KCNH7: variants seen among roughly 807,000 people sequenced by gnomAD.
KCNH7 encodes the protein voltage-gated inwardly rectifying potassium channel KCNH7.
Under a neutral mutation model 120.8 loss-of-function variants are expected in KCNH7, and 49 were observed. The observed-to-expected ratio is 0.41, with a 90% CI of 0.32 to 0.51. KCNH7 has a LOEUF of 0.51. Among genes scored for constraint, KCNH7 ranks in the 20% least tolerant of loss-of-function variants. KCNH7 has a pLI of 0.38. For synonymous variants in KCNH7, 547 were observed against 516.1 expected (o/e 1.06, Z -0.81); for missense variants, 1,097 against 1,446.6 (o/e 0.76, Z 3.92).
At chr2:162,632,905 G>A (rs1173723010) in intron 2 of KCNH7, among the ~76,000 whole-genome samples, 1 of 151,764 alleles carries the variant, frequency 6.6e-6, no homozygotes, top group Non-Finnish European at 1.5e-5. Context: ...GGAGAAAGTT[G>A]TAAAGGAGGG....
intron 5 of KCNH7, among the ~76,000 whole-genome samples, chr2:162,507,023 C>T (rs897968302): frequency 6.6e-6 from 1 of 151,828 alleles, no homozygotes; most frequent in African/African-American, 2.4e-5. Flanking sequence ...ATAAACACCA[C>T]AATGTGCTTT....
chr2:162,460,706 C>T (rs539205321), intron 6 of KCNH7, among the ~76,000 whole-genome samples: 2 of 152,276 alleles, frequency 1.3e-5, no homozygotes, highest in Non-Finnish European at 1.5e-5. Context: ...AATTTTTATC[C>T]TCTAGAACTG....
intron 2 of KCNH7, among the ~76,000 whole-genome samples, chr2:162,737,068 A>G (rs1340100753): frequency 6.6e-6 from 1 of 152,152 alleles, no homozygotes; most frequent in African/African-American, 2.4e-5. Context: ...AAAAAGACTG[A>G]GATTTTGATC....
At chr2:162,422,606 A>G (rs1424381793) in intron 9 of KCNH7, among the ~76,000 whole-genome samples, 1 of 152,148 alleles carries the variant, frequency 6.6e-6, no homozygotes, top group Non-Finnish European at 1.5e-5. Context: ...TCCTAATAAT[A>G]AAAAGAGGTC....
intron 7 of KCNH7, among the ~76,000 whole-genome samples, chr2:162,441,885 C>G (rs958344734): frequency 6.6e-6 from 1 of 151,266 alleles, no homozygotes; most frequent in African/African-American, 2.4e-5. Context: ...TAGGCAAGCC[C>G]AGTTATTGCC....
chr2:162,488,026 A>C (rs1302880447), intron 6 of KCNH7, among the ~76,000 whole-genome samples: 1 of 152,128 alleles, frequency 6.6e-6, no homozygotes, highest in African/African-American at 2.4e-5. Context: ...GTTTGTCCCA[A>C]CCCTCAGGCC....
intron 2 of KCNH7, among the ~76,000 whole-genome samples, chr2:162,675,187 T>G (rs1012584574): frequency 1.3e-5 from 2 of 151,412 alleles, no homozygotes; most frequent in Non-Finnish European, 3.0e-5. Context: ...ACAAATGATA[T>G]ATTATATATG....
intron 9 of KCNH7, among the ~76,000 whole-genome samples, chr2:162,406,800 G>A (rs1687239077): frequency 6.6e-6 from 1 of 151,930 alleles, no homozygotes; most frequent in Non-Finnish European, 1.5e-5. Flanking sequence ...TTTGTTGTTT[G>A]TAAAAGCTAA....
At chr2:162,746,270 T>C (rs948559562) in intron 2 of KCNH7, among the ~76,000 whole-genome samples, 1 of 152,146 alleles carries the variant, frequency 6.6e-6, no homozygotes, top group Non-Finnish European at 1.5e-5. Flanking sequence ...TTCTTAATAA[T>C]GCTACGGTAA....
At chr2:162,775,921 A>C (rs138933566) in intron 2 of KCNH7, among the ~76,000 whole-genome samples, 2 of 152,300 alleles carry the variant, frequency 1.3e-5, no homozygotes, top group East Asian at 3.9e-4. Flanking sequence ...CTAGCTATGT[A>C]AACTTGGGCA....
chr2:162,524,918 G>T (rs773592382), intron 3 of KCNH7, among the ~76,000 whole-genome samples: 10 of 151,912 alleles, frequency 6.6e-5, no homozygotes, highest in Admixed American at 1.3e-4. Flanking sequence ...GAATGATGTA[G>T]ATAGCAGCTA....
chr2:162,786,845 T>C (rs1683725662), intron 2 of KCNH7, among the ~76,000 whole-genome samples: 1 of 152,146 alleles, frequency 6.6e-6, no homozygotes, highest in Non-Finnish European at 1.5e-5. Flanking sequence ...TGAACAACCA[T>C]CCGCACCAGA....
intron 6 of KCNH7, among the ~76,000 whole-genome samples, chr2:162,465,047 A>C (rs1191135476): frequency 2.0e-5 from 3 of 152,128 alleles, no homozygotes; most frequent in Non-Finnish European, 4.4e-5. Context: ...CAGAAAGGGG[A>C]AAGTCTAGGA....
At chr2:162,779,878 T>C (rs1278955747) in intron 2 of KCNH7, among the ~76,000 whole-genome samples, 1 of 152,178 alleles carries the variant, frequency 6.6e-6, no homozygotes, top group Non-Finnish European at 1.5e-5. Flanking sequence ...GACATCCTTT[T>C]AAATCCTCTT....
At chr2:162,611,232 T>C (rs142605528) in intron 2 of KCNH7, among the ~76,000 whole-genome samples, 1 of 152,304 alleles carries the variant, frequency 6.6e-6, no homozygotes, top group East Asian at 1.9e-4. Flanking sequence ...GGCAATGACA[T>C]AGTATTCCCT....
intron 2 of KCNH7, among the ~76,000 whole-genome samples, chr2:162,628,538 G>A (rs1004571953): frequency 6.6e-5 from 10 of 152,060 alleles, no homozygotes; most frequent in Admixed American, 2.0e-4. Context: ...ATTTCATCAC[G>A]CAGGTATTAA....
chr2:162,837,563 A>C (rs549664289), intron 1 of KCNH7, among the ~76,000 whole-genome samples: 41 of 152,382 alleles, frequency 2.7e-4, no homozygotes, highest in African/African-American at 9.9e-4. Context: ...GCAAGGTACC[A>C]GATCCTCACA....
chr2:162,379,764 G>A (rs1686343885), intron 14 of KCNH7, 89 bp downstream of exon 14: 1 of 1,242,480 alleles, frequency 8.0e-7, no homozygotes, highest in Non-Finnish European at 1.1e-6. Flanking sequence ...TGAGATCATG[G>A]CAAGGAGAAT....
chr2:162,405,705 T>C (rs560087132), intron 9 of KCNH7, among the ~76,000 whole-genome samples: 1 of 152,106 alleles, frequency 6.6e-6, no homozygotes, highest in Admixed American at 6.6e-5. Context: ...TTGATGTATG[T>C]GCTTATCAAA....
Sources: gnomAD v4.1 joint callset for allele counts (sites outside exome capture counted in the v4.1 genomes callset) on GRCh38, gnomAD v4.1.1 for gene constraint, MANE v1.5 for transcripts, NCBI Gene and HGNC (gene_info 2026-07-23, HGNC 2026-07-21) for gene names.